NOS1AP: variants seen among roughly 807,000 people sequenced by gnomAD.
NOS1AP encodes the protein carboxyl-terminal PDZ ligand of neuronal nitric oxide synthase protein.
A neutral mutation model predicts 56.2 loss-of-function variants in NOS1AP; 21 were observed. The ratio of observed to expected loss-of-function variants is 0.37; its 90% CI spans 0.26 to 0.54. The LOEUF (loss-of-function observed/expected upper bound fraction) is 0.54, where lower values mean the gene tolerates loss of function less well. Among genes scored for constraint, NOS1AP ranks in the 20% least tolerant of loss-of-function variants. NOS1AP has a pLI of 0.84. For missense variants in NOS1AP, 522 were observed against 657.8 expected, an observed-to-expected ratio of 0.79 and a Z score of 2.26; for synonymous variants, 270 against 274.6, an observed-to-expected ratio of 0.98 and a Z score of 0.17.
chr1:162,095,788 T>C (rs1325579447), intron 1 of NOS1AP, among the ~76,000 whole-genome samples: 1 of 152,234 alleles, frequency 6.6e-6, no homozygotes. Context: ...ACTTAATCTT[T>C]GTCAGCTTCA....
At chr1:162,163,335 A>C (rs1396307408) in intron 2 of NOS1AP, among the ~76,000 whole-genome samples, 1 of 152,206 alleles carries the variant, frequency 6.6e-6, no homozygotes, top group African/African-American at 2.4e-5. Context: ...AAGGAAACAA[A>C]TCAATGCTTT....
chr1:162,181,937 G>A (rs1651278709), intron 2 of NOS1AP, among the ~76,000 whole-genome samples: 1 of 152,190 alleles, frequency 6.6e-6, no homozygotes, highest in African/African-American at 2.4e-5. Flanking sequence ...GAAGGACTCT[G>A]GAGAATTCCT....
intron 6 of NOS1AP, among the ~76,000 whole-genome samples, chr1:162,346,399 A>T (rs1429765365): frequency 6.6e-6 from 1 of 152,140 alleles, no homozygotes; most frequent in African/African-American, 2.4e-5. Flanking sequence ...CATCTTCAAG[A>T]TATTTTGCTT....
chr1:162,246,765 C>T (rs1292518528), intron 2 of NOS1AP, among the ~76,000 whole-genome samples: 2 of 152,002 alleles, frequency 1.3e-5, no homozygotes, highest in Non-Finnish European at 2.9e-5. Context: ...TATGTGGGGT[C>T]CCTTCTAGCT....
rs184368332 is a variant in NOS1AP, at chr1:162,104,485, G to A, written c.105+34203G>A. On this transcript the variant is annotated intron_variant, in intron 1 of 9. Transcript: ENST00000361897. ...CTAGGTTGGGGTAGTTCTCCTGCAT[G>A]ATATCCTGAAGTATGTTTTCCAGCT... 4.6e-3 allele frequency among the ~76,000 whole-genome samples: 705 copies of A among 152,068 alleles called. 11 individuals carry two copies. Among genetic ancestry groups the A allele is most frequent in the African/African-American group, 0.016 (667 of 41,492 alleles).
intron 1 of NOS1AP, among the ~76,000 whole-genome samples, chr1:162,123,450 G>T (rs1288588742): frequency 6.6e-6 from 1 of 152,198 alleles, no homozygotes; most frequent in African/African-American, 2.4e-5. Flanking sequence ...GGGATTACAG[G>T]TGTGGGCCAC....
chr1:162,186,487 C>T (rs1368741766), intron 2 of NOS1AP, among the ~76,000 whole-genome samples: 3 of 152,154 alleles, frequency 2.0e-5, no homozygotes, highest in African/African-American at 4.8e-5. Flanking sequence ...TATTTTGGTA[C>T]ACATCTTCTT....
chr1:162,108,437 A>G (rs1647593352), intron 1 of NOS1AP, among the ~76,000 whole-genome samples: 1 of 152,236 alleles, frequency 6.6e-6, no homozygotes. Flanking sequence ...GCAGGATGCT[A>G]GGAAATTAAT....
chr1:162,144,816 C>T (rs1309513710), intron 1 of NOS1AP, among the ~76,000 whole-genome samples: 1 of 152,110 alleles, frequency 6.6e-6, no homozygotes, highest in African/African-American at 2.4e-5. Context: ...TTGCTGTACC[C>T]CTCAGATCCT....
intron 8 of NOS1AP, among the ~76,000 whole-genome samples, chr1:162,360,352 G>A (rs1166183677): frequency 6.6e-6 from 1 of 152,198 alleles, no homozygotes; most frequent in African/African-American, 2.4e-5. Context: ...GAAGTTCAAG[G>A]GTGTGAATGA....
At chr1:162,114,841 TC>T (rs1647871873) in intron 1 of NOS1AP, among the ~76,000 whole-genome samples, 1 of 152,230 alleles carries the variant, frequency 6.6e-6, no homozygotes, top group African/African-American at 2.4e-5. Flanking sequence ...ATGTGACCTC[TC>T]CCCGTGACTA....
At chr1:162,133,728 A>G (rs1648855743) in intron 1 of NOS1AP, among the ~76,000 whole-genome samples, 1 of 152,232 alleles carries the variant, frequency 6.6e-6, no homozygotes, top group African/African-American at 2.4e-5. Flanking sequence ...ACTGGTATTT[A>G]TTACCTTAAT....
chr1:162,294,110 G>C (rs1167690841), intron 3 of NOS1AP, among the ~76,000 whole-genome samples: 1 of 152,122 alleles, frequency 6.6e-6, no homozygotes, highest in Middle Eastern at 3.4e-3. Flanking sequence ...TGGGAGGACT[G>C]TCAGGCTGCA....
At chr1:162,278,909 G>A (rs760683792) in intron 2 of NOS1AP, among the ~76,000 whole-genome samples, 5 of 152,110 alleles carry the variant, frequency 3.3e-5, no homozygotes, top group Non-Finnish European at 7.4e-5. Context: ...TGCCAGGAAC[G>A]TTGTTTAATG....
chr1:162,330,605 T>A (rs548289355), intron 4 of NOS1AP, among the ~76,000 whole-genome samples: 8 of 152,318 alleles, frequency 5.3e-5, no homozygotes, highest in African/African-American at 1.9e-4. Flanking sequence ...TACACCATGC[T>A]AAGGAGTTTG....
intron 2 of NOS1AP, among the ~76,000 whole-genome samples, chr1:162,282,723 C>G (rs1252399367): frequency 6.6e-6 from 1 of 152,200 alleles, no homozygotes; most frequent in Non-Finnish European, 1.5e-5. Flanking sequence ...TCAGAGTCCA[C>G]TTTTAAATTT....
intron 2 of NOS1AP, among the ~76,000 whole-genome samples, chr1:162,214,962 G>C (rs571631724): frequency 6.6e-6 from 1 of 152,242 alleles, no homozygotes; most frequent in East Asian, 1.9e-4. Flanking sequence ...TCCCTGCCAG[G>C]CTACATCAGT....
intron 2 of NOS1AP, among the ~76,000 whole-genome samples, chr1:162,160,022 G>A (rs1650134686): frequency 1.3e-5 from 2 of 152,102 alleles, no homozygotes; most frequent in African/African-American, 4.8e-5. Flanking sequence ...TCTTAAACCA[G>A]GGGATAGATC....
intron 5 of NOS1AP, among the ~76,000 whole-genome samples, chr1:162,341,377 C>T (rs143159247): frequency 6.0e-4 from 91 of 152,152 alleles, no homozygotes; most frequent in East Asian, 5.8e-4. Flanking sequence ...ATGAAACCGA[C>T]GGGAAAAGAC....
Sources: allele counts gnomAD v4.1 joint callset (sites outside exome capture counted in the v4.1 genomes callset), GRCh38; gene constraint gnomAD v4.1.1; transcripts MANE v1.5; gene names NCBI Gene and HGNC (gene_info 2026-07-23, HGNC 2026-07-21).